The following ZPBP variants were observed in gnomAD, a reference collection of about 807,000 sequenced individuals.
ZPBP encodes zona pellucida binding protein.
In ZPBP, 26 loss-of-function variants were observed where a neutral mutation model predicts 44.8. That is an observed-to-expected ratio of 0.58 (90% confidence interval 0.43 to 0.81). The LOEUF is 0.81. Ranked by LOEUF, ZPBP falls within the 30% of genes least tolerant of loss-of-function variation. The pLI is 0.00. For missense variants in ZPBP, 409 were observed against 434.0 expected (o/e 0.94, Z 0.51); for synonymous variants, 174 against 153.2 (o/e 1.14, Z -1.00).
chr7:49,908,905 T>C (rs1332809099), intron 1 of ZPBP, among the ~76,000 whole-genome samples: 4 of 152,210 alleles, frequency 2.6e-5, no homozygotes, highest in Non-Finnish European at 5.9e-5. Flanking sequence ...AGATTTTATA[T>C]TCTACAGTAA....
At chr7:49,970,568 A>C (rs959474193) in intron 7 of ZPBP, among the ~76,000 whole-genome samples, 4 of 146,162 alleles carry the variant, frequency 2.7e-5, no homozygotes, top group Non-Finnish European at 4.5e-5. Context: ...AATCACAAAA[A>C]AGTTTAAATA....
the ZPBP span, among the ~76,000 whole-genome samples, chr7:49,844,667 A>G: frequency 6.6e-6 from 1 of 152,138 alleles, no homozygotes; most frequent in African/African-American, 2.4e-5. Context: ...CAGCCACATT[A>G]CCTTGGGCAA....
chr7:49,920,139 G>A (rs1446958778), intron 1 of ZPBP: 1 of 151,882 alleles, frequency 6.6e-6, no homozygotes, highest in Non-Finnish European at 1.5e-5. Context: ...ATTTGGATAT[G>A]GAAGCAAAAT....
chr7:49,859,289 T>G (rs140435452), intron 2 of ZPBP, among the ~76,000 whole-genome samples: 1 of 152,386 alleles, frequency 6.6e-6, no homozygotes, highest in African/African-American at 2.4e-5. Flanking sequence ...TTTGAAGGAA[T>G]TAAAGTCTTT....
At chr7:49,979,175 G>C (rs902356074) in intron 7 of ZPBP, among the ~76,000 whole-genome samples, 1 of 151,764 alleles carries the variant, frequency 6.6e-6, no homozygotes, top group Non-Finnish European at 1.5e-5. Flanking sequence ...ATCCTGCAAA[G>C]TAACTTCCTC....
intron 4 of ZPBP, among the ~76,000 whole-genome samples, chr7:50,048,691 T>C (rs1007292269): frequency 5.9e-5 from 9 of 151,616 alleles, no homozygotes; most frequent in Non-Finnish European, 1.0e-4. Context: ...AGACAGCACG[T>C]AGAGGGAAAT....
chr7:49,980,396 T>C (rs1164077854), intron 7 of ZPBP, among the ~76,000 whole-genome samples: 3 of 147,008 alleles, frequency 2.0e-5, no homozygotes, highest in Non-Finnish European at 4.5e-5. Flanking sequence ...AAATTTATAC[T>C]AATATCACTA....
chr7:50,042,230 A>G (rs905631142), intron 4 of ZPBP, among the ~76,000 whole-genome samples: 4 of 152,214 alleles, frequency 2.6e-5, no homozygotes, highest in African/African-American at 9.6e-5. Context: ...GGAGAATGGA[A>G]TCAAGTTGGA....
intron 2 of ZPBP, among the ~76,000 whole-genome samples, chr7:49,855,502 A>T (rs1200204754): frequency 9.2e-5 from 14 of 152,160 alleles, no homozygotes; most frequent in Non-Finnish European, 7.4e-5. Context: ...AAGAGGACAG[A>T]TGTTGTGGAG....
chr7:50,091,010 C>G (rs1156288617), intron 1 of ZPBP, among the ~76,000 whole-genome samples: 1 of 151,752 alleles, frequency 6.6e-6, no homozygotes, highest in Non-Finnish European at 1.5e-5. Context: ...GCCATTCTTG[C>G]GAGAGTAAGG....
At chr7:50,091,090 T>G (rs918124341) in intron 1 of ZPBP, among the ~76,000 whole-genome samples, 5 of 152,130 alleles carry the variant, frequency 3.3e-5, no homozygotes, top group Non-Finnish European at 7.4e-5. Context: ...TTTCATATGT[T>G]TGTTGGCCAT....
chr7:49,938,683 T>C (rs1287003470), intron 7 of ZPBP, among the ~76,000 whole-genome samples: 1 of 152,182 alleles, frequency 6.6e-6, no homozygotes, highest in Non-Finnish European at 1.5e-5. Flanking sequence ...AGCCTCATAA[T>C]TGGGCTGGGG....
At chr7:50,067,305 T>A (rs1267186403) in intron 3 of ZPBP, among the ~76,000 whole-genome samples, 1 of 152,016 alleles carries the variant, frequency 6.6e-6, no homozygotes, top group African/African-American at 2.4e-5. Flanking sequence ...TAGAATTTCT[T>A]CCTTGTACTT....
chr7:50,001,226 T>C (rs543907278), intron 6 of ZPBP, among the ~76,000 whole-genome samples: 2 of 152,266 alleles, frequency 1.3e-5, no homozygotes, highest in Admixed American at 1.3e-4. Context: ...ATGAAGAACA[T>C]GAAACTTCTG....
chr7:49,954,816 G>A (rs1190104171), intron 7 of ZPBP, among the ~76,000 whole-genome samples: 6 of 151,982 alleles, frequency 3.9e-5, no homozygotes, highest in Non-Finnish European at 8.8e-5. Flanking sequence ...GATATAACAA[G>A]TTGAAAATAA....
chr7:50,043,873 A>C (rs1800212932), intron 4 of ZPBP, among the ~76,000 whole-genome samples: 1 of 152,216 alleles, frequency 6.6e-6, no homozygotes, highest in Non-Finnish European at 1.5e-5. Flanking sequence ...CATCCTTCTC[A>C]GCACATCAGA....
intron 6 of ZPBP, among the ~76,000 whole-genome samples, chr7:50,000,853 G>A (rs960781313): frequency 1.6e-4 from 24 of 152,090 alleles, no homozygotes; most frequent in African/African-American, 5.3e-4. Flanking sequence ...ACCTCAGAAT[G>A]TAATGGTATT....
At chr7:49,853,525 A>G (rs924690756) in intron 2 of ZPBP, among the ~76,000 whole-genome samples, 3 of 151,926 alleles carry the variant, frequency 2.0e-5, no homozygotes, top group Non-Finnish European at 2.9e-5. Context: ...ATAGGTCCTA[A>G]GTTTTTGGTT....
chr7:50,047,591 A>G (rs188719321), intron 4 of ZPBP, among the ~76,000 whole-genome samples: 3 of 151,838 alleles, frequency 2.0e-5, no homozygotes, highest in Admixed American at 1.3e-4. Context: ...GGAGACTAAA[A>G]CTAGACTCAC....
Sources: allele counts gnomAD v4.1 joint callset (sites outside exome capture counted in the v4.1 genomes callset), GRCh38; gene constraint gnomAD v4.1.1; transcripts MANE v1.5; gene names NCBI Gene and HGNC (gene_info 2026-07-23, HGNC 2026-07-21).